Variants in SERPINB6 observed in about 807,000 individuals in gnomAD.
The protein encoded by SERPINB6 is serpin B6.
Under a neutral mutation model 26.1 loss-of-function variants are expected in SERPINB6, and 16 were observed. The ratio of observed to expected loss-of-function variants is 0.61; its 90% confidence interval spans 0.42 to 0.93. SERPINB6 has a LOEUF of 0.93. Among genes scored for constraint, SERPINB6 ranks in the 40% least tolerant of loss-of-function variants. The pLI is 0.00. For missense variants in SERPINB6, 420 were observed against 478.0 expected, an observed-to-expected ratio of 0.88 and a Z score of 1.13; for synonymous variants, 174 against 176.6, an observed-to-expected ratio of 0.99 and a Z score of 0.11.
rs763146584 is a variant in SERPINB6, at chr6:2,959,161, G to T, written c.165+7C>A. 1.2e-6 allele frequency: 2 copies of T among 1,614,082 alleles called. No homozygotes were observed. The highest frequency in any genetic ancestry group is 2.7e-5 in the African/African-American group (2 of 74,926). ...TTAATAGCACCATGGCTGCCCTGAA[G>T]CTGTACCTGGGCCATCTGTGCAGCG... On this transcript the variant is annotated splice_region_variant and intron_variant, in intron 2 of 6. Transcript: ENST00000380539.
At chr6:2,961,528 C>T (rs1165449310) in intron 1 of SERPINB6, among the ~76,000 whole-genome samples, 6 of 152,104 alleles carry the variant, frequency 3.9e-5, no homozygotes, top group African/African-American at 1.4e-4. Context: ...CGCTTATCAA[C>T]TTGAAGAGAA....
At chr6:2,969,308 C>A (rs985094153) in intron 1 of SERPINB6, 1 of 985,322 alleles carries the variant, frequency 1.0e-6, no homozygotes, top group Non-Finnish European at 1.2e-6. Flanking sequence ...GGACCTACTT[C>A]TTTAGCTTCA....
At chr6:2,952,322 A>G (rs1769904125) in intron 5 of SERPINB6, among the ~76,000 whole-genome samples, 1 of 152,228 alleles carries the variant, frequency 6.6e-6, no homozygotes, top group Non-Finnish European at 1.5e-5. Context: ...ACTATGGTCA[A>G]TGATCAAGAA....
chr6:2,949,127 A>T, intron 5 of SERPINB6, 58 bp from the exon 6 acceptor site: 1 of 1,576,986 alleles, frequency 6.3e-7, no homozygotes, highest in Non-Finnish European at 8.7e-7. Context: ...CACATGGGAC[A>T]AATGTGTCGG....
chr6:2,971,165 C>G, intron 1 of SERPINB6: 1 of 1,000,360 alleles, frequency 1.0e-6, no homozygotes, highest in African/African-American at 1.7e-5. Context: ...CCGGCCGCCT[C>G]TTCCGTGGGC....
intron 1 of SERPINB6, chr6:2,971,303 G>C (rs1772141063): frequency 1.9e-6 from 1 of 529,008 alleles, no homozygotes; most frequent in African/African-American, 2.1e-5. Flanking sequence ...ACCCAAGCCG[G>C]ACGCTCGCCC....
chr6:2,962,676 A>T (rs777888648), intron 1 of SERPINB6, among the ~76,000 whole-genome samples: 1 of 152,250 alleles, frequency 6.6e-6, no homozygotes, highest in Non-Finnish European at 1.5e-5. Flanking sequence ...GTGAAAGGTA[A>T]AATTCTATCT....
rs1006826342 is a variant in SERPINB6, at chr6:2,968,901, T to G, written c.-11+2632A>C. The stretch of plus-strand genomic sequence containing the variant: ...AAATGGGAGAACTCTTCGGTGTGGC[T>G]ATCGGTGGTGTTCTGGAAGGAGATG... On this transcript the variant is annotated intron_variant, in intron 1 of 6. Transcript: ENST00000380539. 1.5e-5 allele frequency: 18 copies of G among 1,228,374 alleles called. No homozygotes were observed. The Admixed American group carries it at 5.5e-4, about 38-fold the overall frequency. 76.1% of individuals were successfully genotyped at this position (1,228,374 alleles called of 1,614,324 possible).
In SERPINB6 at chr6:2,967,138, G is replaced by C. The variant is rs926123909; in HGVS notation, c.-11+4395C>G. The C allele has an allele frequency of 2.0e-6, 2 of 984,932 alleles. No individual in the cohort carries two copies. The highest frequency in any genetic ancestry group is 2.3e-4 in the East Asian group (2 of 8,816). The allele number at this position is 984,932 out of a possible 1,614,324, so 61.0% of individuals were successfully genotyped here. On this transcript the variant is annotated intron_variant, in intron 1 of 6. Coordinates refer to ENST00000380539, the MANE Select transcript of SERPINB6 (RefSeq NM_004568.6). This position sits in a 1 kb window ranked among gnomAD's most constrained non-coding sequence, Gnocchi z 4.3. ...GGGCCAGGCTACTCACCCCAAAGGT[G>C]ACCAGTGCAGAGCTCCAGCCACCCA...
chr6:2,954,894 A>C (rs1311639975), intron 3 of SERPINB6, 185 bp from the exon 4 acceptor site: 6 of 596,838 alleles, frequency 1.0e-5, no homozygotes, highest in Non-Finnish European at 1.8e-5. Context: ...ATCCTAGCTT[A>C]AAAACTAAGT....
chr6:2,964,988 C>A (rs964175044), intron 1 of SERPINB6, among the ~76,000 whole-genome samples: 1 of 152,188 alleles, frequency 6.6e-6, no homozygotes, highest in East Asian at 1.9e-4. Flanking sequence ...AGGCACCCGG[C>A]CAAATTCTAG....
chr6:2,961,922 T>G, intron 1 of SERPINB6: 2 of 985,096 alleles, frequency 2.0e-6, no homozygotes, highest in Non-Finnish European at 2.4e-6. Flanking sequence ...ACAAGGTTCT[T>G]GCCACCTTGC....
intron 1 of SERPINB6, chr6:2,966,399 C>A: frequency 1.0e-6 from 1 of 987,102 alleles, no homozygotes; most frequent in Non-Finnish European, 1.2e-6. Context: ...AACACACTTA[C>A]TTTATATGCA....
chr6:2,971,049 G>A, intron 1 of SERPINB6: 1 of 1,188,112 alleles, frequency 8.4e-7, no homozygotes, highest in African/African-American at 1.6e-5. Context: ...CCCCAAGACT[G>A]AGCACGCGTC....
rs141790828 is a variant in SERPINB6, at chr6:2,958,962, G to A, written c.165+206C>T. On this transcript the variant is annotated intron_variant, in intron 2 of 6. Transcript: ENST00000380539. The stretch of plus-strand genomic sequence containing the variant: ...GAAATCATTCATTCCTCTGAATCGG[G>A]CGCCCCCTCTCCACCCCAGGGGGTC... Among the ~76,000 whole-genome samples the A allele has an allele frequency of 2.6e-4, 40 of 152,102 alleles. No individual in the cohort carries two copies. In the East Asian group the frequency reaches 7.4e-3, roughly 28 times the overall value.
rs112083286 is a variant in SERPINB6 at position 2,948,744 on chromosome 6, C to A, written c.730-45G>T. The A allele has an allele frequency of 1.9e-6, 3 of 1,584,276 alleles. No homozygotes were observed. Among genetic ancestry groups the A allele is most frequent in the Non-Finnish European group, 2.6e-6 (3 of 1,153,514 alleles). On this transcript the variant is annotated intron_variant, in intron 6 of 6. Transcript: ENST00000380539. The surrounding 1 kb of genome is among the most constrained non-coding windows in gnomAD (Gnocchi z 5.0). ...GACTTTAAGACCCAGGGTGCTGCTG[C>A]CCAGCAGGGCCCTGTGCTATGCTGT...
At position 2,948,243 on chromosome 6, in the gene SERPINB6, G is replaced by C; in HGVS notation, c.*55C>G. On this transcript the variant is annotated 3_prime_UTR_variant, in exon 7 of 7. Coordinates refer to ENST00000380539, the MANE Select transcript of SERPINB6 (RefSeq NM_004568.6). The surrounding 1 kb of genome is among the most constrained non-coding windows in gnomAD (Gnocchi z 5.0). ...AGGCCACTTGGGTTGCAGGCACACTGTGGAGTGTCAGGGGACAGAGAGGAG... is the reference window on the plus strand; with the variant it reads ...AGGCCACTTGGGTTGCAGGCACACTCTGGAGTGTCAGGGGACAGAGAGGAG... The C allele has an allele frequency of 6.2e-7, 1 of 1,605,032 alleles. No homozygotes were observed. The highest frequency in any genetic ancestry group is 1.3e-5 in the African/African-American group (1 of 74,896).
At chr6:2,962,301 G>T in intron 1 of SERPINB6, 1 of 800,032 alleles carries the variant, frequency 1.2e-6, no homozygotes, top group Non-Finnish European at 1.5e-6. Flanking sequence ...AGAAACCAAA[G>T]CAGGATATTC....
intron 1 of SERPINB6, chr6:2,966,855 C>T (rs1203391435): frequency 4.2e-6 from 3 of 716,734 alleles, no homozygotes; most frequent in South Asian, 1.3e-4. Context: ...GGGTCTCGCT[C>T]GGTGGCCGAG....
Sources: allele counts gnomAD v4.1 joint callset (sites outside exome capture counted in the v4.1 genomes callset), GRCh38; gene constraint gnomAD v4.1.1; non-coding constraint Gnocchi (gnomAD v3.1); transcripts MANE v1.5; gene names NCBI Gene and HGNC (gene_info 2026-07-23, HGNC 2026-07-21).